The following KIAA0930 variants were observed in gnomAD, a reference collection of about 807,000 sequenced individuals.
The protein encoded by KIAA0930 is uncharacterized protein KIAA0930.
Under a neutral mutation model 43.9 loss-of-function variants are expected in KIAA0930, and 24 were observed. The observed-to-expected ratio is 0.55, with a 90% CI of 0.40 to 0.77. The LOEUF (loss-of-function observed/expected upper bound fraction) is 0.77, where lower values mean the gene tolerates loss of function less well. Among genes scored for constraint, KIAA0930 ranks in the 30% least tolerant of loss-of-function variants. The pLI is 0.00. For synonymous variants in KIAA0930, 259 were observed against 216.4 expected (o/e 1.20, Z -1.73); for missense variants, 461 against 574.2 (o/e 0.80, Z 2.02).
chr22:45,193,133 G>C lies in KIAA0930; in HGVS notation c.*4043C>G, dbSNP rs1174115329. 6.6e-6 allele frequency: 1 copy of C among 152,204 alleles called. No individual in the cohort carries two copies. Among genetic ancestry groups the C allele is most frequent in the Non-Finnish European group, 1.5e-5 (1 of 68,040 alleles). 9.4% of individuals were successfully genotyped at this position (152,204 alleles called of 1,614,324 possible). A position where few individuals can be genotyped will look rare whatever the true frequency, so the allele number is the denominator to read the frequency against. On this transcript the variant is annotated 3_prime_UTR_variant, in exon 10 of 10. Transcript: ENST00000336156. ...TCAGGTGGTTGTTTGTAAAACAAAA[G>C]TACAGTCATTCTGCTTTCTGATACA...
intron 5 of KIAA0930, 140 bp from the exon 6 acceptor site, chr22:45,204,125 C>T (rs1035468155): frequency 2.8e-6 from 3 of 1,085,858 alleles, no homozygotes; most frequent in South Asian, 1.5e-5. Flanking sequence ...CTCCTGTGGC[C>T]CCATGCCCTC....
At chr22:45,202,285 C>A (rs2083595516) in intron 7 of KIAA0930, among the ~76,000 whole-genome samples, 1 of 152,262 alleles carries the variant, frequency 6.6e-6, no homozygotes, top group Non-Finnish European at 1.5e-5. Context: ...CCTGCCTGTG[C>A]CCCACCAAAG....
chr22:45,213,602 C>T (rs538387557), intron 1 of KIAA0930: 6 of 597,556 alleles, frequency 1.0e-5, no homozygotes, highest in Non-Finnish European at 1.4e-5. Flanking sequence ...TTAAGCAAAG[C>T]GCTGTGATTA....
chr22:45,236,622 C>A (rs115352058), intron 1 of KIAA0930, among the ~76,000 whole-genome samples: 1 of 152,108 alleles, frequency 6.6e-6, no homozygotes, highest in African/African-American at 2.4e-5. Flanking sequence ...ACCCTGAGGA[C>A]GGGTCTAGGT....
Position 45,197,039 on chromosome 22 carries a change from G to A in KIAA0930, c.*137C>T. ...TTCGTGGAGTCGGCCCCGGCCCCGG[G>A]AGTCGAGTGGCCTCGCCTGGCTGCG... is the stretch of plus-strand genomic sequence containing the variant. On this transcript the variant is annotated 3_prime_UTR_variant, in exon 10 of 10. Transcript: ENST00000336156. 1 of 695,062 alleles carries A rather than the reference G, an allele frequency of 1.4e-6. No homozygotes were observed. Among genetic ancestry groups the A allele is most frequent in the Non-Finnish European group, 2.3e-6 (1 of 431,276 alleles). 43.1% of individuals were successfully genotyped at this position (695,062 alleles called of 1,614,324 possible).
chr22:45,230,634 T>G (rs1012232458), intron 1 of KIAA0930, among the ~76,000 whole-genome samples: 2 of 147,444 alleles, frequency 1.4e-5, no homozygotes, highest in East Asian at 2.0e-4. Flanking sequence ...CAAGCTAGAG[T>G]ACAGTGGCGC....
intron 7 of KIAA0930, chr22:45,201,093 C>G: frequency 4.3e-6 from 2 of 464,454 alleles, no homozygotes; most frequent in Non-Finnish European, 8.9e-6. Context: ...CTCCTCGTCA[C>G]GGCTCCGACA....
chr22:45,225,065 T>C (rs1445758153), intron 1 of KIAA0930, among the ~76,000 whole-genome samples: 1 of 152,138 alleles, frequency 6.6e-6, no homozygotes, highest in Admixed American at 6.5e-5. Flanking sequence ...GCCCTGGTCA[T>C]GGTCCAAAGG....
At chr22:45,229,440 C>T (rs991188555) in intron 1 of KIAA0930, among the ~76,000 whole-genome samples, 5 of 151,630 alleles carry the variant, frequency 3.3e-5, no homozygotes, top group Admixed American at 6.6e-5. Flanking sequence ...TGAGCTGGTG[C>T]GAGGGATGAA....
rs780023552 is a variant in KIAA0930 at position 45,205,271 on chromosome 22, C to T, written c.462G>A (p.Glu154=). The change falls in exon 5 of 10, where the codon GAG becomes GAA. Residue 154 remains glutamate (E), a synonymous_variant. Coordinates refer to ENST00000336156, the MANE Select transcript of KIAA0930 (RefSeq NM_001009880.2). ...TGTTGGGGTAGCTGATCTTGGACTCCTCCCCCTTGCTGTCCATGGGGTGTT... is the reference window on the plus strand; with the variant it reads ...TGTTGGGGTAGCTGATCTTGGACTCTTCCCCCTTGCTGTCCATGGGGTGTT... The part of the protein sequence containing the change: ...PSKHPMDSKG[E]ESKISYPNIF... 1.2e-6 allele frequency: 2 copies of T among 1,614,192 alleles called. No homozygotes were observed. The highest frequency in any genetic ancestry group is 2.2e-5 in the South Asian group (2 of 91,078).
rs565031182 is a variant in KIAA0930 at position 45,195,875 on chromosome 22, A to G, written c.*1301T>C. Reference sequence around the variant, plus strand: ...AATAACAACATACAAAAGTCTGGAGAAAGCCCCAAAGTAGTCCCCTGTTCC... The same window carrying G: ...AATAACAACATACAAAAGTCTGGAGGAAGCCCCAAAGTAGTCCCCTGTTCC... On this transcript the variant is annotated 3_prime_UTR_variant, in exon 10 of 10. Coordinates refer to ENST00000336156, the MANE Select transcript of KIAA0930 (RefSeq NM_001009880.2). 4.6e-5 allele frequency: 7 copies of G among 152,540 alleles called. No individual in the cohort carries two copies. Among genetic ancestry groups the G allele is most frequent in the African/African-American group, 1.7e-4 (7 of 41,570 alleles). The allele number at this position is 152,540 out of a possible 1,614,324, so 9.4% of individuals were successfully genotyped here. A position where few individuals can be genotyped will look rare whatever the true frequency, so the allele number is the denominator to read the frequency against.
Position 45,194,671 on chromosome 22 carries a change from G to A in KIAA0930, c.*2505C>T, listed in dbSNP as rs2083520602. The A allele has an allele frequency of 1.3e-5, 2 of 152,178 alleles. No individual in the cohort carries two copies. Among genetic ancestry groups the A allele is most frequent in the Non-Finnish European group, 1.5e-5 (1 of 68,046 alleles). 9.4% of individuals were successfully genotyped at this position (152,178 alleles called of 1,614,324 possible). A position where few individuals can be genotyped will look rare whatever the true frequency, so the allele number is the denominator to read the frequency against. ...TCTGTTACTTTGGAAAAACAAACCT[G>A]GGAGTAACACCTTACTGTCTGGTTC... On this transcript the variant is annotated 3_prime_UTR_variant, in exon 10 of 10. Transcript: ENST00000336156.
intron 1 of KIAA0930, among the ~76,000 whole-genome samples, chr22:45,223,476 T>C (rs2083779515): frequency 6.6e-6 from 1 of 152,142 alleles, no homozygotes; most frequent in Non-Finnish European, 1.5e-5. Flanking sequence ...ACTTGTAAAA[T>C]GGCAGTAACA....
chr22:45,221,352 G>A (rs1456846156), intron 1 of KIAA0930, among the ~76,000 whole-genome samples: 1 of 152,190 alleles, frequency 6.6e-6, no homozygotes, highest in African/African-American at 2.4e-5. Flanking sequence ...GAAATGGCAT[G>A]CCATGGCGAT....
intron 1 of KIAA0930, among the ~76,000 whole-genome samples, chr22:45,231,545 C>T (rs2083853692): frequency 6.6e-6 from 1 of 152,038 alleles, no homozygotes; most frequent in South Asian, 2.1e-4. Flanking sequence ...CCACCCCCTC[C>T]CCAGGGAGGG....
chr22:45,220,592 TTTATG>T (rs1262104301), intron 1 of KIAA0930, among the ~76,000 whole-genome samples: 1 of 152,144 alleles, frequency 6.6e-6, no homozygotes, highest in Non-Finnish European at 1.5e-5. Flanking sequence ...TATTTATTAT[TTTATG>T]TTGGGACAGG....
intron 1 of KIAA0930, chr22:45,226,118 C>A (rs9615072): frequency 5.0e-6 from 2 of 397,010 alleles, no homozygotes; most frequent in East Asian, 1.5e-4. Flanking sequence ...GTCCTCGGTG[C>A]GTTCAGAGAG....
intron 1 of KIAA0930, chr22:45,213,565 G>T: frequency 9.5e-7 from 1 of 1,051,570 alleles, no homozygotes; most frequent in Non-Finnish European, 1.2e-6. Context: ...CAAAGCCCAA[G>T]TCACGCTACT....
chr22:45,229,514 G>A (rs550529067), intron 1 of KIAA0930, among the ~76,000 whole-genome samples: 13 of 152,264 alleles, frequency 8.5e-5, no homozygotes, highest in Admixed American at 2.0e-4. Context: ...GAGGGACTAC[G>A]CAGTGTCACA....
Sources: allele counts gnomAD v4.1 joint callset (sites outside exome capture counted in the v4.1 genomes callset), GRCh38; gene constraint gnomAD v4.1.1; transcripts MANE v1.5; gene names NCBI Gene and HGNC (gene_info 2026-07-23, HGNC 2026-07-21).